CTNNA3: variants seen among roughly 807,000 people sequenced by gnomAD.
CTNNA3 encodes the protein catenin alpha 3.
Under a neutral mutation model 95.7 loss-of-function variants are expected in CTNNA3, and 76 were observed. The observed-to-expected ratio is 0.79, with a 90% confidence interval of 0.66 to 0.96. CTNNA3 has a LOEUF of 0.96. CTNNA3 is among the 40% of genes least tolerant of loss of function. The probability of loss-of-function intolerance (pLI) is 0.00; values close to 1 mark genes in which losing one functional copy is unlikely to be tolerated. For missense variants in CTNNA3, 1,191 were observed against 1,089.8 expected (o/e 1.09, Z -1.31); for synonymous variants, 431 against 374.4 (o/e 1.15, Z -1.74).
chr10:66,979,721 C>T (rs1053126768), intron 7 of CTNNA3, among the ~76,000 whole-genome samples: 8 of 152,078 alleles, frequency 5.3e-5, no homozygotes, highest in Non-Finnish European at 1.0e-4. Context: ...ACATTGAGTG[C>T]CCAATAAATG....
chr10:65,979,936 A>G (rs1306780639), intron 16 of CTNNA3, among the ~76,000 whole-genome samples: 1 of 151,990 alleles, frequency 6.6e-6, no homozygotes, highest in Non-Finnish European at 1.5e-5. Flanking sequence ...AGGCATCAAC[A>G]TTTCTGCCAG....
At chr10:66,360,639 C>CCTTCCTTCCT (rs1554944361) in intron 12 of CTNNA3, among the ~76,000 whole-genome samples, 2 of 56,538 alleles carry the variant, frequency 3.5e-5, no homozygotes, top group South Asian at 5.8e-4. Context: ...TTCTTTCTTT[C>CCTTCCTTCCT]TTTCTTTCTT....
chr10:66,848,319 T>A (rs1357928739), intron 7 of CTNNA3, among the ~76,000 whole-genome samples: 1 of 152,198 alleles, frequency 6.6e-6, no homozygotes, highest in Non-Finnish European at 1.5e-5. Flanking sequence ...CCTATAAGCA[T>A]CTTTTAATTT....
At chr10:66,968,572 A>C (rs1281786637) in intron 7 of CTNNA3, among the ~76,000 whole-genome samples, 1 of 152,036 alleles carries the variant, frequency 6.6e-6, no homozygotes, top group Non-Finnish European at 1.5e-5. Context: ...GCAAACAAAA[A>C]GGTTGTCTCC....
chr10:66,340,386 G>C (rs2092441374), intron 12 of CTNNA3, among the ~76,000 whole-genome samples: 1 of 151,784 alleles, frequency 6.6e-6, no homozygotes, highest in Non-Finnish European at 1.5e-5. Context: ...CCCTTGGGTG[G>C]TTATACCTAA....
chr10:65,955,774 G>A (rs56333512), intron 17 of CTNNA3, among the ~76,000 whole-genome samples: 11,384 of 152,142 alleles, frequency 0.075, 508 homozygotes, highest in Admixed American at 0.13. Context: ...TTGATGTGCC[G>A]CTGGATTCAG....
Position 66,276,528 on chromosome 10 carries a change from G to T in CTNNA3, c.1884+3942C>A, listed in dbSNP as rs12049741. ...AAGGGGTCTATAAAAATTATGTGCA[G>T]AATTATAATACTACCTTAAATTAAT... On this transcript the variant is annotated intron_variant, in intron 13 of 17. Coordinates refer to ENST00000433211, the MANE Select transcript of CTNNA3 (RefSeq NM_013266.4). Among the ~76,000 whole-genome samples the T allele has an allele frequency of 8.2e-4, 124 of 152,124 alleles. 1 individual carries two copies. In the East Asian group the frequency reaches 0.019, roughly 23 times the overall value.
intron 14 of CTNNA3, among the ~76,000 whole-genome samples, chr10:66,081,912 T>A (rs1252162945): frequency 1.3e-5 from 2 of 152,040 alleles, no homozygotes; most frequent in African/African-American, 4.8e-5. Context: ...AGGTCAGGAA[T>A]TCGAGATCAG....
rs150596008 is a variant in CTNNA3, at chr10:67,681,636, G to T, written c.-6+14364C>A. 4.9e-4 allele frequency among the ~76,000 whole-genome samples: 74 copies of T among 151,946 alleles called. No individual in the cohort carries two copies. In the East Asian group the frequency reaches 0.013, roughly 26 times the overall value. ...TATGTATAATACATTTTTAAAGTAT[G>T]TATAATAAATTTATAATAATTAAGC... On this transcript the variant is annotated intron_variant, in intron 1 of 17. Coordinates refer to ENST00000433211, the MANE Select transcript of CTNNA3 (RefSeq NM_013266.4).
intron 11 of CTNNA3, among the ~76,000 whole-genome samples, chr10:66,464,167 C>G (rs922943461): frequency 2.3e-4 from 35 of 152,024 alleles, no homozygotes; most frequent in African/African-American, 8.2e-4. Context: ...AACTTTGTTT[C>G]AGTTTTTTCC....
chr10:66,706,652 T>C (rs1848128255), intron 9 of CTNNA3, among the ~76,000 whole-genome samples: 1 of 152,034 alleles, frequency 6.6e-6, no homozygotes, highest in African/African-American at 2.4e-5. Flanking sequence ...TTTAGGCTAT[T>C]GTCTTCCTGA....
chr10:67,481,469 T>C (rs1848226157), intron 5 of CTNNA3, among the ~76,000 whole-genome samples: 1 of 152,142 alleles, frequency 6.6e-6, no homozygotes, highest in South Asian at 2.1e-4. Flanking sequence ...TCAGTAGCAG[T>C]TCTATATACC....
At chr10:67,402,870 C>T (rs1589256611) in intron 5 of CTNNA3, among the ~76,000 whole-genome samples, 1 of 152,184 alleles carries the variant, frequency 6.6e-6, no homozygotes, top group South Asian at 2.1e-4. Flanking sequence ...GTGACTACAA[C>T]TCAGTCAAGG....
chr10:66,397,157 G>A (rs2132547610), intron 11 of CTNNA3, among the ~76,000 whole-genome samples: 1 of 151,644 alleles, frequency 6.6e-6, no homozygotes, highest in African/African-American at 2.4e-5. Context: ...GTGGCATTAT[G>A]AGTAGTTTTT....
chr10:67,216,592 G>A (rs1052856688), intron 6 of CTNNA3, among the ~76,000 whole-genome samples: 2 of 152,072 alleles, frequency 1.3e-5, no homozygotes, highest in East Asian at 3.9e-4. Flanking sequence ...TCTAGGTGCT[G>A]GAGATATAAC....
chr10:66,244,923 G>A (rs1241666908), intron 13 of CTNNA3, among the ~76,000 whole-genome samples: 1 of 152,196 alleles, frequency 6.6e-6, no homozygotes, highest in Non-Finnish European at 1.5e-5. Context: ...GAGAAAGAGA[G>A]ATATGTGACC....
At chr10:66,673,780 G>GTTTTTA (rs201269844) in intron 9 of CTNNA3, among the ~76,000 whole-genome samples, 3,201 of 151,898 alleles carry the variant, frequency 0.021, 93 homozygotes, top group African/African-American at 0.073. Flanking sequence ...ATAAACAGGA[G>GTTTTTA]TTTTTATTTT....
chr10:65,979,920 T>G (rs1174107238), intron 16 of CTNNA3, among the ~76,000 whole-genome samples: 1 of 151,912 alleles, frequency 6.6e-6, no homozygotes, highest in Admixed American at 6.6e-5. Context: ...TCTGGAGAAC[T>G]AATCTAGGCA....
Position 66,985,033 on chromosome 10 carries a change from C to T in CTNNA3, c.1047+195284G>A, listed in dbSNP as rs12217993. ...ATTTCAGTTCTACAAACATACAGAG[C>T]TCATCCCTGCCTTTGTTTCTTTGTC... On this transcript the variant is annotated intron_variant, in intron 7 of 17. Transcript: ENST00000433211. Among the ~76,000 whole-genome samples, 573 of 152,260 alleles carry T rather than the reference C, an allele frequency of 3.8e-3. 29 individuals are homozygous for T. In the East Asian group the frequency reaches 0.09, roughly 24 times the overall value.
Sources: allele counts gnomAD v4.1 joint callset (sites outside exome capture counted in the v4.1 genomes callset), GRCh38; gene constraint gnomAD v4.1.1; transcripts MANE v1.5; gene names NCBI Gene and HGNC (gene_info 2026-07-23, HGNC 2026-07-21).